The following GNAQ variants were observed in gnomAD, a reference collection of about 807,000 sequenced individuals.
The protein encoded by GNAQ is G protein subunit alpha q.
In GNAQ, 8 loss-of-function variants were observed where a neutral mutation model predicts 43.9. The ratio of observed to expected loss-of-function variants is 0.18; its 90% CI spans 0.11 to 0.33. The LOEUF is 0.33. GNAQ is among the 10% of genes least tolerant of loss of function. The pLI is 1.00. For missense variants in GNAQ, 158 were observed against 450.8 expected (o/e 0.35, Z 5.88); for synonymous variants, 155 against 170.7 (o/e 0.91, Z 0.71).
chr9:77,743,921 C>T (rs1825693149), intron 5 of GNAQ, among the ~76,000 whole-genome samples: 1 of 152,318 alleles, frequency 6.6e-6, no homozygotes, highest in South Asian at 2.1e-4. Context: ...GTGCTCATAA[C>T]AGCTGGCATA....
intron 5 of GNAQ, among the ~76,000 whole-genome samples, chr9:77,735,091 GAAAAA>G (rs1183381776): frequency 6.6e-6 from 1 of 151,860 alleles, no homozygotes; most frequent in East Asian, 1.9e-4. Flanking sequence ...AAATTGATAA[GAAAAA>G]AAGACTGTCA....
chr9:77,786,105 C>T (rs1826472226), intron 5 of GNAQ, among the ~76,000 whole-genome samples: 1 of 152,022 alleles, frequency 6.6e-6, no homozygotes, highest in Non-Finnish European at 1.5e-5. Flanking sequence ...AAGCCAGGCG[C>T]GGTGGCTCAC....
chr9:77,750,437 G>A (rs1163394111), intron 5 of GNAQ, among the ~76,000 whole-genome samples: 1 of 152,052 alleles, frequency 6.6e-6, no homozygotes, highest in Non-Finnish European at 1.5e-5. Context: ...AGAGGTTTTT[G>A]TGATAATATA....
At chr9:78,023,185 G>A (rs1338215836) in intron 1 of GNAQ, among the ~76,000 whole-genome samples, 1 of 152,186 alleles carries the variant, frequency 6.6e-6, no homozygotes, top group African/African-American at 2.4e-5. Flanking sequence ...TTTACATTGT[G>A]TTCAGTAACA....
At chr9:77,895,993 G>A (rs562309125) in intron 2 of GNAQ, among the ~76,000 whole-genome samples, 31 of 152,138 alleles carry the variant, frequency 2.0e-4, no homozygotes, top group African/African-American at 5.5e-4. Flanking sequence ...GCCCAGTCTC[G>A]GGTATGTCTT....
At chr9:78,003,896 A>C (rs1823674532) in intron 1 of GNAQ, among the ~76,000 whole-genome samples, 1 of 152,186 alleles carries the variant, frequency 6.6e-6, no homozygotes, top group Non-Finnish European at 1.5e-5. Context: ...AGTAGAAAGT[A>C]CCAACAATCA....
chr9:77,733,798 A>G (rs1825532668), intron 5 of GNAQ, among the ~76,000 whole-genome samples: 1 of 152,246 alleles, frequency 6.6e-6, no homozygotes, highest in Admixed American at 6.5e-5. Context: ...TAAGTAGGAG[A>G]TGCTGGGGTG....
At chr9:77,756,459 T>C (rs901809095) in intron 5 of GNAQ, among the ~76,000 whole-genome samples, 7 of 152,186 alleles carry the variant, frequency 4.6e-5, no homozygotes, top group Non-Finnish European at 8.8e-5. Flanking sequence ...GCCAGAGAAA[T>C]GACTTCCAGC....
At chr9:77,750,381 A>T (rs1217127843) in intron 5 of GNAQ, among the ~76,000 whole-genome samples, 1 of 152,210 alleles carries the variant, frequency 6.6e-6, no homozygotes, top group Non-Finnish European at 1.5e-5. Context: ...AGTTTTACTT[A>T]ATTAGCAAAT....
intron 3 of GNAQ, among the ~76,000 whole-genome samples, chr9:77,797,900 C>T (rs561408710): frequency 6.8e-4 from 103 of 152,248 alleles, no homozygotes; most frequent in Non-Finnish European, 1.1e-3. Flanking sequence ...AACTCATACT[C>T]CCCAGAGGCA....
chr9:77,955,478 T>A (rs1205432752), intron 1 of GNAQ, among the ~76,000 whole-genome samples: 1 of 152,076 alleles, frequency 6.6e-6, no homozygotes, highest in Non-Finnish European at 1.5e-5. Context: ...TGAAAGAAAA[T>A]AGGAAAGTTA....
At chr9:77,907,704 T>C (rs1349783887) in intron 2 of GNAQ, among the ~76,000 whole-genome samples, 4 of 152,184 alleles carry the variant, frequency 2.6e-5, no homozygotes, top group African/African-American at 7.2e-5. Flanking sequence ...AAAAGATCCA[T>C]AATAATAGTG....
chr9:77,848,849 C>T (rs1372627397), intron 2 of GNAQ, among the ~76,000 whole-genome samples: 1 of 152,130 alleles, frequency 6.6e-6, no homozygotes, highest in Non-Finnish European at 1.5e-5. Flanking sequence ...AAGGAAAGAA[C>T]ACAAGCAACA....
chr9:77,891,203 AT>A (rs1828399321), intron 2 of GNAQ, among the ~76,000 whole-genome samples: 2 of 152,076 alleles, frequency 1.3e-5, no homozygotes, highest in Non-Finnish European at 2.9e-5. Context: ...ATATATCCTC[AT>A]ACATATTCTC....
intron 2 of GNAQ, among the ~76,000 whole-genome samples, chr9:77,897,230 T>G (rs1169058938): frequency 3.3e-5 from 5 of 152,260 alleles, no homozygotes; most frequent in Non-Finnish European, 7.3e-5. Flanking sequence ...GATCACAGAA[T>G]GTGCTCAGCT....
At chr9:77,884,479 G>A (rs762960127) in intron 2 of GNAQ, among the ~76,000 whole-genome samples, 3 of 152,196 alleles carry the variant, frequency 2.0e-5, no homozygotes, top group Non-Finnish European at 4.4e-5. Flanking sequence ...AACAATGAAC[G>A]AAGCAAGCTG....
At chr9:77,988,090 T>C (rs1042501535) in intron 1 of GNAQ, among the ~76,000 whole-genome samples, 5 of 152,084 alleles carry the variant, frequency 3.3e-5, no homozygotes, top group African/African-American at 9.7e-5. Flanking sequence ...AAGAGGTTAG[T>C]AGGTTCAAGG....
intron 5 of GNAQ, among the ~76,000 whole-genome samples, chr9:77,760,654 C>A (rs1031127302): frequency 2.6e-5 from 4 of 152,142 alleles, no homozygotes; most frequent in African/African-American, 9.7e-5. Flanking sequence ...AGGAGCGTCT[C>A]TGCCTGGCCA....
chr9:77,868,657 G>A (rs1827986559), intron 2 of GNAQ, among the ~76,000 whole-genome samples: 1 of 152,110 alleles, frequency 6.6e-6, no homozygotes, highest in African/African-American at 2.4e-5. Flanking sequence ...TTAGCTGGGT[G>A]TGGTGGCACG....
Sources: gnomAD v4.1 joint callset for allele counts (sites outside exome capture counted in the v4.1 genomes callset) on GRCh38, gnomAD v4.1.1 for gene constraint, MANE v1.5 for transcripts, NCBI Gene and HGNC (gene_info 2026-07-23, HGNC 2026-07-21) for gene names.